The following DLG2 variants were observed in gnomAD, a reference collection of about 807,000 sequenced individuals.
DLG2 encodes the protein disks large homolog 2.
DLG2 carries 45 observed loss-of-function variants against 132.5 expected under a neutral mutation model. The observed-to-expected ratio is 0.34, with a 90% confidence interval of 0.27 to 0.44. DLG2 has a LOEUF of 0.44. Ranked by LOEUF, DLG2 falls within the 20% of genes least tolerant of loss-of-function variation. The probability of loss-of-function intolerance (pLI) is 1.00; values close to 1 mark genes in which losing one functional copy is unlikely to be tolerated. For synonymous variants in DLG2, 424 were observed against 419.6 expected (o/e 1.01, Z -0.13); for missense variants, 1,045 against 1,196.9 (o/e 0.87, Z 1.87).
chr11:84,458,554 T>C (rs1440752442), intron 7 of DLG2, among the ~76,000 whole-genome samples: 1 of 150,914 alleles, frequency 6.6e-6, no homozygotes. Flanking sequence ...TTGTAATTTT[T>C]GTGAATTGTT....
chr11:84,215,007 T>C (rs1566953864), intron 8 of DLG2, among the ~76,000 whole-genome samples: 3 of 152,158 alleles, frequency 2.0e-5, no homozygotes, highest in Admixed American at 2.0e-4. Flanking sequence ...CATGTCATGG[T>C]GAAGAAATAA....
intron 15 of DLG2, among the ~76,000 whole-genome samples, chr11:83,927,596 G>C (rs539891550): frequency 6.6e-6 from 1 of 152,254 alleles, no homozygotes; most frequent in Admixed American, 6.5e-5. Context: ...GTGAAATGAG[G>C]TATCCAAGAG....
chr11:83,936,614 G>GT (rs2081494549), intron 14 of DLG2, among the ~76,000 whole-genome samples: 1 of 152,196 alleles, frequency 6.6e-6, no homozygotes, highest in Non-Finnish European at 1.5e-5. Flanking sequence ...TTATTGAGGA[G>GT]TTTATTGGAA....
chr11:83,939,824 A>AG (rs920426609), intron 14 of DLG2, among the ~76,000 whole-genome samples: 4 of 152,186 alleles, frequency 2.6e-5, no homozygotes, highest in African/African-American at 9.6e-5. Flanking sequence ...CAAACTCTAC[A>AG]GGGGGGAACA....
At chr11:85,135,052 A>T (rs2076054300) in intron 5 of DLG2, among the ~76,000 whole-genome samples, 1 of 152,154 alleles carries the variant, frequency 6.6e-6, no homozygotes, top group Non-Finnish European at 1.5e-5. Context: ...TCATCACAAT[A>T]ATTATTTTAA....
intron 6 of DLG2, among the ~76,000 whole-genome samples, chr11:84,654,052 G>C (rs1013655073): frequency 1.6e-4 from 24 of 152,102 alleles, no homozygotes; most frequent in African/African-American, 5.3e-4. Flanking sequence ...ATATGAAGTG[G>C]TGTCTTATAA....
intron 6 of DLG2, among the ~76,000 whole-genome samples, chr11:84,599,827 T>C (rs1593352005): frequency 6.7e-6 from 1 of 149,380 alleles, no homozygotes; most frequent in African/African-American, 2.5e-5. Flanking sequence ...AGCCCAGGAG[T>C]TCAAGATCAG....
At chr11:84,977,589 T>C (rs1260320281) in intron 6 of DLG2, among the ~76,000 whole-genome samples, 1 of 152,176 alleles carries the variant, frequency 6.6e-6, no homozygotes, top group Non-Finnish European at 1.5e-5. Context: ...TTCTAAGTGA[T>C]GAAAAACTAA....
chr11:85,156,624 A>G (rs1055254465), intron 4 of DLG2, among the ~76,000 whole-genome samples: 1 of 152,194 alleles, frequency 6.6e-6, no homozygotes, highest in Non-Finnish European at 1.5e-5. Flanking sequence ...ATGTAGATGT[A>G]CATAGTAAGG....
At chr11:84,736,128 T>G (rs1388470080) in intron 6 of DLG2, among the ~76,000 whole-genome samples, 1 of 151,968 alleles carries the variant, frequency 6.6e-6, no homozygotes, top group African/African-American at 2.4e-5. Context: ...TATTTAATTG[T>G]TTCTGTATTA....
intron 11 of DLG2, among the ~76,000 whole-genome samples, chr11:84,048,794 C>G (rs1240815516): frequency 6.6e-6 from 1 of 151,356 alleles, no homozygotes; most frequent in Non-Finnish European, 1.5e-5. Context: ...CTAAACATCT[C>G]CAAGTTATTA....
At chr11:85,516,713 G>GA (rs2094176832) in intron 3 of DLG2, among the ~76,000 whole-genome samples, 1 of 151,978 alleles carries the variant, frequency 6.6e-6, no homozygotes. Context: ...AACCTTCCAA[G>GA]ATTGAACCCT....
chr11:83,790,105 C>G, intron 17 of DLG2: 2 of 965,518 alleles, frequency 2.1e-6, no homozygotes, highest in Non-Finnish European at 3.1e-6. Context: ...TGAACCGAGA[C>G]ACTGGCTTGG....
chr11:85,248,687 A>G (rs1293736405), intron 4 of DLG2, among the ~76,000 whole-genome samples: 1 of 152,096 alleles, frequency 6.6e-6, no homozygotes, highest in African/African-American at 2.4e-5. Context: ...AATCTCCAGC[A>G]AGGTTACTAA....
intron 6 of DLG2, among the ~76,000 whole-genome samples, chr11:85,019,283 G>A (rs2059828924): frequency 6.6e-6 from 1 of 152,216 alleles, no homozygotes; most frequent in African/African-American, 2.4e-5. Flanking sequence ...AGTGTCAAAG[G>A]AAGTGAAAAT....
Position 84,284,803 on chromosome 11 carries a change from C to T in DLG2, c.520-33512G>A, listed in dbSNP as rs140042452. Among the ~76,000 whole-genome samples, 75 of 152,226 alleles carry T rather than the reference C, an allele frequency of 4.9e-4. No homozygotes were observed. In the Middle Eastern group the frequency reaches 0.01, roughly 21 times the overall value. On this transcript the variant is annotated intron_variant, in intron 7 of 27. Transcript: ENST00000376104. ...GTATTAAGAATTTAATATGCCTCTC[C>T]CCCTACTTGCTTTCTTGACACTTTT...
At chr11:83,809,472 C>T (rs1282829848) in intron 17 of DLG2, among the ~76,000 whole-genome samples, 1 of 152,110 alleles carries the variant, frequency 6.6e-6, no homozygotes, top group Non-Finnish European at 1.5e-5. Context: ...CTTCAAAATC[C>T]ACTTGTTCCT....
At chr11:84,010,166 CAT>C (rs1317541717) in intron 11 of DLG2, among the ~76,000 whole-genome samples, 1 of 151,986 alleles carries the variant, frequency 6.6e-6, no homozygotes, top group Non-Finnish European at 1.5e-5. Flanking sequence ...AGCTAGAACT[CAT>C]ATTTAACTGT....
chr11:84,001,917 C>G (rs1023985519), intron 11 of DLG2, among the ~76,000 whole-genome samples: 1 of 151,948 alleles, frequency 6.6e-6, no homozygotes, highest in Non-Finnish European at 1.5e-5. Flanking sequence ...ATACAACATA[C>G]CAAAATCTGT....
Sources: gnomAD v4.1 joint callset for allele counts (sites outside exome capture counted in the v4.1 genomes callset) on GRCh38, gnomAD v4.1.1 for gene constraint, MANE v1.5 for transcripts, NCBI Gene and HGNC (gene_info 2026-07-23, HGNC 2026-07-21) for gene names.